LMTK2: variants seen among roughly 807,000 people sequenced by gnomAD.
LMTK2 encodes serine/threonine-protein kinase LMTK2.
In LMTK2, 37 loss-of-function variants were observed where a neutral mutation model predicts 127.5. The observed-to-expected ratio is 0.29, with a 90% CI of 0.22 to 0.38. The LOEUF is 0.38. LMTK2 is among the 10% of genes least tolerant of loss of function. The probability of loss-of-function intolerance (pLI) is 1.00; values close to 1 mark genes in which losing one functional copy is unlikely to be tolerated. For missense variants in LMTK2, 1,694 were observed against 1,920.3 expected (o/e 0.88, Z 2.20); for synonymous variants, 819 against 810.1 (o/e 1.01, Z -0.19).
At chr7:98,125,578 T>C (rs1584248808) in intron 1 of LMTK2, among the ~76,000 whole-genome samples, 1 of 152,234 alleles carries the variant, frequency 6.6e-6, no homozygotes, top group East Asian at 1.9e-4. Flanking sequence ...GTGACACCCC[T>C]GTCCCATAAC....
chr7:98,107,226 G>A lies in LMTK2; in HGVS notation c.49G>A (p.Val17Ile). 1 of 1,462,802 alleles carries A rather than the reference G, an allele frequency of 6.8e-7. No individual in the cohort carries two copies. The allele number at this position is 1,462,802 out of a possible 1,614,324, so 90.6% of individuals were successfully genotyped here. A position where few individuals can be genotyped will look rare whatever the true frequency, so the allele number is the denominator to read the frequency against. The change falls in exon 1 of 14, where the codon GTC (valine) becomes ATC (isoleucine). Residue 17 changes from valine (V) to isoleucine (I), a missense_variant. Around this residue, in one of 8 missense-constraint regions of LMTK2, gnomAD observed 76 missense variants for 82.0 expected, o/e 0.93. Coordinates refer to ENST00000297293, the MANE Select transcript of LMTK2 (RefSeq NM_014916.4). The stretch of plus-strand genomic sequence containing the variant: ...GCGGAGGCTGCTGCTGCTGCTGCTG[G>A]TCCTCCTGATCGCCGGCAGTGCTGG... ...LRRRLLLLLL[V>I]LLIAGSAGAA...
chr7:98,135,971 C>T (rs544726023), intron 1 of LMTK2, among the ~76,000 whole-genome samples: 7 of 151,898 alleles, frequency 4.6e-5, no homozygotes, highest in African/African-American at 9.7e-5. Flanking sequence ...GTCTGCAGGC[C>T]GCCTCCCTCC....
At chr7:98,108,927 A>T (rs538680441) in intron 1 of LMTK2, among the ~76,000 whole-genome samples, 8 of 137,720 alleles carry the variant, frequency 5.8e-5, no homozygotes, top group African/African-American at 2.2e-4. Context: ...CATCGGTGCG[A>T]TATCAGCTGA....
chr7:98,120,235 A>G (rs1796342729), intron 1 of LMTK2, among the ~76,000 whole-genome samples: 1 of 152,204 alleles, frequency 6.6e-6, no homozygotes, highest in Admixed American at 6.5e-5. Flanking sequence ...GCTCTTATTT[A>G]AAAGTGAAAC....
At chr7:98,150,726 A>G (rs1054095728) in intron 3 of LMTK2, among the ~76,000 whole-genome samples, 1 of 152,262 alleles carries the variant, frequency 6.6e-6, no homozygotes, top group African/African-American at 2.4e-5. Context: ...TGAATTTTAA[A>G]ATAATTTATG....
chr7:98,179,597 C>CCCTCCCTT (rs1797323905), intron 7 of LMTK2, among the ~76,000 whole-genome samples: 4 of 147,444 alleles, frequency 2.7e-5, no homozygotes, highest in African/African-American at 1.0e-4. Flanking sequence ...CTCCTTCCCT[C>CCCTCCCTT]TCTCCCTCCC....
At chr7:98,116,390 CTG>C (rs34663305) in intron 1 of LMTK2, among the ~76,000 whole-genome samples, 2,450 of 150,222 alleles carry the variant, frequency 0.016, 92 homozygotes, top group Admixed American at 0.084. Flanking sequence ...CAGTGTGTGT[CTG>C]TGTGTGTGTG....
In LMTK2 at chr7:98,192,738, T is replaced by C. The variant is rs1562920976; in HGVS notation, c.2273T>C (p.Met758Thr). Residue 758 changes from methionine to threonine, a missense_variant, in exon 11 of 14, where the codon ATG becomes ACG. Around this residue, in one of 8 missense-constraint regions of LMTK2, gnomAD observed 527 missense variants for 539.8 expected, o/e 0.98. Coordinates refer to ENST00000297293, the MANE Select transcript of LMTK2 (RefSeq NM_014916.4). ...AAGAATGCTGGTTTTACTGAAGCTATGTTAGAAACGTCATGTAGAAACTCT... is the reference window on the plus strand; with the variant it reads ...AAGAATGCTGGTTTTACTGAAGCTACGTTAGAAACGTCATGTAGAAACTCT... ...ELKNAGFTEA[M>T]LETSCRNSLD... 1.2e-6 allele frequency: 2 copies of C among 1,613,370 alleles called. No individual in the cohort carries two copies. Among genetic ancestry groups the C allele is most frequent in the Non-Finnish European group, 1.7e-6 (2 of 1,179,684 alleles).
chr7:98,121,651 A>C (rs1244573631), intron 1 of LMTK2, among the ~76,000 whole-genome samples: 1 of 151,580 alleles, frequency 6.6e-6, no homozygotes, highest in African/African-American at 2.4e-5. Flanking sequence ...AAAGAAAATT[A>C]GGAAACCAAA....
Position 98,193,783 on chromosome 7 carries a change from C to T in LMTK2, c.3318C>T (p.Phe1106=). ...SQGSYRDSAY[F]SDNDSEPEKR... Reference sequence around the variant, plus strand: ...GTTCATACCGAGACTCTGCGTACTTCTCAGACAATGACTCTGAGCCCGAGA... The same window carrying T: ...GTTCATACCGAGACTCTGCGTACTTTTCAGACAATGACTCTGAGCCCGAGA... Residue 1106 remains phenylalanine (F), a synonymous_variant, in exon 11 of 14, where the codon TTC becomes TTT. Coordinates refer to ENST00000297293, the MANE Select transcript of LMTK2 (RefSeq NM_014916.4). This position sits in a 1 kb window ranked among gnomAD's most constrained non-coding sequence, Gnocchi z 4.1. The T allele has an allele frequency of 3.1e-6, 5 of 1,614,028 alleles. No individual in the cohort carries two copies. The highest frequency in any genetic ancestry group is 4.2e-6 in the Non-Finnish European group (5 of 1,180,016).
chr7:98,161,919 C>T (rs1797022530), intron 6 of LMTK2, among the ~76,000 whole-genome samples: 2 of 152,202 alleles, frequency 1.3e-5, no homozygotes, highest in African/African-American at 4.8e-5. Flanking sequence ...GAGTGACCAT[C>T]ACAGAAATAG....
intron 3 of LMTK2, among the ~76,000 whole-genome samples, chr7:98,151,150 C>G (rs189185829): frequency 6.6e-6 from 1 of 151,196 alleles, no homozygotes; most frequent in East Asian, 1.9e-4. Context: ...GTAGCTGGAT[C>G]GGAAAAAAAA....
chr7:98,115,961 C>G (rs1259278263), intron 1 of LMTK2, among the ~76,000 whole-genome samples: 1 of 152,060 alleles, frequency 6.6e-6, no homozygotes, highest in Non-Finnish European at 1.5e-5. Context: ...TCATGGTTTA[C>G]TGCATCCCTG....
chr7:98,130,508 A>G, intron 1 of LMTK2, among the ~76,000 whole-genome samples: 1 of 152,056 alleles, frequency 6.6e-6, no homozygotes, highest in East Asian at 1.9e-4. Flanking sequence ...TGTTCCCCCT[A>G]AATTCATACG....
chr7:98,128,069 G>A (rs1056844204), intron 1 of LMTK2, among the ~76,000 whole-genome samples: 4 of 152,160 alleles, frequency 2.6e-5, no homozygotes, highest in African/African-American at 4.8e-5. Flanking sequence ...GCTTGAACCC[G>A]GGAGGTGGAG....
chr7:98,114,413 A>T (rs1272535769), intron 1 of LMTK2, among the ~76,000 whole-genome samples: 1 of 151,222 alleles, frequency 6.6e-6, no homozygotes, highest in Non-Finnish European at 1.5e-5. Flanking sequence ...CTGATGTAAA[A>T]CATATTTTTT....
chr7:98,140,425 T>TA (rs1796679237), intron 2 of LMTK2, among the ~76,000 whole-genome samples: 1 of 152,120 alleles, frequency 6.6e-6, no homozygotes, highest in African/African-American at 2.4e-5. Flanking sequence ...GTGCTGGGAT[T>TA]ACAGGCATGA....
intron 5 of LMTK2, among the ~76,000 whole-genome samples, chr7:98,155,380 A>G (rs1796912849): frequency 6.6e-6 from 1 of 152,224 alleles, no homozygotes; most frequent in Admixed American, 6.6e-5. Context: ...CTGAAAAAGG[A>G]TTCAAAGCAG....
chr7:98,164,646 C>T (rs540415674), intron 6 of LMTK2, among the ~76,000 whole-genome samples: 1 of 152,132 alleles, frequency 6.6e-6, no homozygotes, highest in African/African-American at 2.4e-5. Context: ...GGAGTCCTAA[C>T]CAGGATCACT....
Sources: allele counts gnomAD v4.1 joint callset (sites outside exome capture counted in the v4.1 genomes callset), GRCh38; gene constraint gnomAD v4.1.1; regional missense constraint gnomAD v4.1.1; non-coding constraint Gnocchi (gnomAD v3.1); transcripts MANE v1.5; gene names NCBI Gene and HGNC (gene_info 2026-07-23, HGNC 2026-07-21).